Variants in PCNA observed in about 807,000 individuals in gnomAD.
PCNA encodes DNA sliding clamp PCNA.
In PCNA, 4 loss-of-function variants were observed where a neutral mutation model predicts 27.8. That is an observed-to-expected ratio of 0.14 (90% CI 0.07 to 0.33). The LOEUF is 0.33. PCNA is among the 10% of genes least tolerant of loss of function. The pLI, the probability that PCNA is intolerant of heterozygous loss-of-function variation, is 1.00. For missense variants in PCNA, 165 were observed against 327.4 expected (o/e 0.50, Z 3.83); for synonymous variants, 121 against 119.4 (o/e 1.01, Z -0.09).
intron 5 of PCNA, 31 bp from the exon 6 acceptor site, chr20:5,115,393 G>C: frequency 6.2e-7 from 1 of 1,613,372 alleles, no homozygotes; most frequent in Non-Finnish European, 8.5e-7. Context: ...TAATTACTGA[G>C]GAGTATGTAT....
At chr20:5,120,723 G>A (rs988733898), upstream of PCNA, among the ~76,000 whole-genome samples, 1 of 152,070 alleles carries the variant, frequency 6.6e-6, no homozygotes, top group Non-Finnish European at 1.5e-5. Flanking sequence ...AAACACCTTT[G>A]AGCACTTAGG....
chr20:5,120,638 T>C (rs2090512932), upstream of PCNA, among the ~76,000 whole-genome samples: 1 of 152,226 alleles, frequency 6.6e-6, no homozygotes, highest in Non-Finnish European at 1.5e-5. Flanking sequence ...ACATCTTTTA[T>C]CATATCAGTA....
intron 4 of PCNA, among the ~76,000 whole-genome samples, 177 bp from the exon 5 acceptor site, chr20:5,115,749 A>G (rs750580011): frequency 5.3e-5 from 8 of 152,252 alleles, no homozygotes; most frequent in Admixed American, 3.9e-4. Flanking sequence ...TCTTTCCTAT[A>G]GCTATAATTT....
chr20:5,121,330 G>A (rs1437042718), upstream of PCNA: 1 of 150,444 alleles, frequency 6.6e-6, no homozygotes, highest in Non-Finnish European at 1.5e-5. Context: ...AATCATTATG[G>A]CTTCAAATAT....
chr20:5,123,003 GAGA>G (rs1159367702), upstream of PCNA, among the ~76,000 whole-genome samples: 4 of 152,238 alleles, frequency 2.6e-5, no homozygotes, highest in African/African-American at 9.6e-5. Flanking sequence ...ACTGTGGTCA[GAGA>G]AGGCCTCTCT....
upstream of PCNA, among the ~76,000 whole-genome samples, chr20:5,124,321 A>T (rs1448499648): frequency 1.3e-5 from 2 of 152,196 alleles, no homozygotes; most frequent in African/African-American, 2.4e-5. Flanking sequence ...AGGGGCATTT[A>T]CCAAGATCAA....
intron 4 of PCNA, 31 bp downstream of exon 4, chr20:5,117,439 A>G (rs1229142924): frequency 2.0e-6 from 3 of 1,477,926 alleles, no homozygotes; most frequent in Non-Finnish European, 2.8e-6. Context: ...TTCTCTTCAA[A>G]CTATTTTCTT....
Position 5,115,665 on chromosome 20 carries a change from T to C in PCNA, c.583-93A>G, listed in dbSNP as rs534974232. ...TTATAAAAACCCACAAACACTTGTA[T>C]TGGTCACTTTGGAGGGAGCTATGAA... is the stretch of plus-strand genomic sequence containing the variant. On this transcript the variant is annotated intron_variant, in intron 4 of 5. Coordinates refer to ENST00000379143, the MANE Select transcript of PCNA (RefSeq NM_182649.2). The C allele has an allele frequency of 2.0e-5, 21 of 1,058,428 alleles. 1 individual carries two copies. The South Asian group carries it at 2.2e-4, about 11-fold the overall frequency. The allele number at this position is 1,058,428 out of a possible 1,614,324, so 65.6% of individuals were successfully genotyped here. A position where few individuals can be genotyped will look rare whatever the true frequency, so the allele number is the denominator to read the frequency against.
upstream of PCNA, among the ~76,000 whole-genome samples, chr20:5,123,783 G>A (rs2090530179): frequency 6.6e-6 from 1 of 151,396 alleles, no homozygotes. Context: ...ATAAGAAATG[G>A]AAAAATATTT....
chr20:5,118,712 T>G, intron 2 of PCNA, 35 bp from the exon 3 acceptor site: 1 of 1,607,912 alleles, frequency 6.2e-7, no homozygotes, highest in Non-Finnish European at 8.5e-7. Flanking sequence ...TGAGAAATAC[T>G]GACACAGAGT....
chr20:5,117,704 A>T (rs1313978189), intron 3 of PCNA, 40 bp from the exon 4 acceptor site: 1 of 1,336,352 alleles, frequency 7.5e-7, no homozygotes, highest in Admixed American at 2.2e-5. Flanking sequence ...AATTGTTAGA[A>T]ATTTAATGAT....
intron 1 of PCNA, among the ~76,000 whole-genome samples, chr20:5,126,198 G>A (rs1340177378): frequency 2.1e-5 from 3 of 144,720 alleles, no homozygotes; most frequent in Non-Finnish European, 4.6e-5. Flanking sequence ...GCGAGACTCC[G>A]TCACAAAACA....
At chr20:5,126,315 T>A (rs528385726) in intron 1 of PCNA, among the ~76,000 whole-genome samples, 2 of 152,238 alleles carry the variant, frequency 1.3e-5, no homozygotes, top group Non-Finnish European at 1.5e-5. Context: ...ATAAGCCAAC[T>A]AAAGCGATTA....
upstream of PCNA, chr20:5,121,491 C>T (rs2090518016): frequency 6.4e-6 from 1 of 157,240 alleles, no homozygotes; most frequent in South Asian, 1.9e-4. Flanking sequence ...CTTAACTTTA[C>T]CCTTCTGTAT....
chr20:5,125,920 G>C (rs950554023), intron 1 of PCNA, among the ~76,000 whole-genome samples: 3 of 152,030 alleles, frequency 2.0e-5, no homozygotes, highest in Non-Finnish European at 4.4e-5. Flanking sequence ...TCTTTCCATA[G>C]TCCAGAAGAC....
chr20:5,123,864 A>G (rs2090530601), upstream of PCNA, among the ~76,000 whole-genome samples: 1 of 152,234 alleles, frequency 6.6e-6, no homozygotes. Flanking sequence ...CATAATGAAT[A>G]ACCATACAAG....
At position 5,115,581 on chromosome 20, in the gene PCNA, C is replaced by CAA; in HGVS notation, c.583-11_583-10dup. 3 of 1,608,318 alleles carry CAA rather than the reference C, an allele frequency of 1.9e-6. No homozygotes were observed. The highest frequency in any genetic ancestry group is 1.1e-5 in the South Asian group (1 of 90,134). ...TTCATCTCTATGGTAACCTACAAAA[C>CAA]AAAAGATTCATCATTGAAAAACATC... On this transcript the variant is annotated splice_polypyrimidine_tract_variant and intron_variant, in intron 4 of 5. Transcript: ENST00000379143.
intron 1 of PCNA, among the ~76,000 whole-genome samples, chr20:5,126,054 T>G (rs886334727): frequency 3.3e-5 from 5 of 152,058 alleles, no homozygotes; most frequent in African/African-American, 1.2e-4. Context: ...ACCAATATGG[T>G]GAAACCCCGT....
upstream of PCNA, among the ~76,000 whole-genome samples, chr20:5,120,330 C>G (rs538124254): frequency 1.7e-3 from 251 of 149,466 alleles, no homozygotes; most frequent in Middle Eastern, 0.01. Flanking sequence ...GAGGAAAAGC[C>G]TCCTTGCAGC....
Sources: allele counts gnomAD v4.1 joint callset (sites outside exome capture counted in the v4.1 genomes callset), GRCh38; gene constraint gnomAD v4.1.1; transcripts MANE v1.5; gene names NCBI Gene and HGNC (gene_info 2026-07-23, HGNC 2026-07-21).